The following PRR16 variants were observed in gnomAD, a reference collection of about 807,000 sequenced individuals.
PRR16 encodes the protein proline rich 16.
PRR16 carries 6 observed loss-of-function variants against 18.2 expected under a neutral mutation model. The observed-to-expected ratio is 0.33, with a 90% CI of 0.18 to 0.65. The LOEUF is 0.65. Among genes scored for constraint, PRR16 ranks in the 30% least tolerant of loss-of-function variants. The pLI is 0.74. For missense variants in PRR16, 412 were observed against 376.6 expected (o/e 1.09, Z -0.78); for synonymous variants, 151 against 147.8 (o/e 1.02, Z -0.16).
chr5:120,522,156 G>T (rs1344278576), intron 1 of PRR16, among the ~76,000 whole-genome samples: 1 of 152,172 alleles, frequency 6.6e-6, no homozygotes. Flanking sequence ...CTTTATAGCA[G>T]CATGATTTAT....
At chr5:120,667,285 G>A (rs1353458615) in intron 1 of PRR16, among the ~76,000 whole-genome samples, 1 of 151,786 alleles carries the variant, frequency 6.6e-6, no homozygotes, top group Non-Finnish European at 1.5e-5. Context: ...GTATTTCTGT[G>A]GGATCAGTGG....
At chr5:120,669,514 A>C (rs1326705421) in intron 1 of PRR16, among the ~76,000 whole-genome samples, 1 of 152,088 alleles carries the variant, frequency 6.6e-6, no homozygotes, top group East Asian at 1.9e-4. Context: ...ATTACTCAGA[A>C]TATTTAGATA....
chr5:120,577,827 GGATGGA>G (rs1186428633), intron 1 of PRR16, among the ~76,000 whole-genome samples: 2 of 152,086 alleles, frequency 1.3e-5, no homozygotes, highest in Non-Finnish European at 2.9e-5. Flanking sequence ...CAGCAACTGG[GGATGGA>G]GATGCTACTA....
At chr5:120,566,499 C>T (rs1405102309) in intron 1 of PRR16, among the ~76,000 whole-genome samples, 2 of 151,958 alleles carry the variant, frequency 1.3e-5, no homozygotes, top group East Asian at 1.9e-4. Flanking sequence ...TTGTGTTTAC[C>T]AAAAGTCTAG....
At chr5:120,493,332 T>G (rs1017110957) in intron 1 of PRR16, among the ~76,000 whole-genome samples, 3 of 152,238 alleles carry the variant, frequency 2.0e-5, no homozygotes, top group Non-Finnish European at 2.9e-5. Context: ...TTTTTTCATA[T>G]GGTTGTTGGC....
At chr5:120,584,774 A>C (rs973558469) in intron 1 of PRR16, among the ~76,000 whole-genome samples, 4 of 152,170 alleles carry the variant, frequency 2.6e-5, no homozygotes, top group Non-Finnish European at 4.4e-5. Context: ...ATACTTATAA[A>C]ATAGTAGTCG....
chr5:120,768,177 T>G, the PRR16 span, among the ~76,000 whole-genome samples: 1 of 151,846 alleles, frequency 6.6e-6, no homozygotes, highest in Non-Finnish European at 1.5e-5. Flanking sequence ...CCACTCAACC[T>G]TAATACATAT....
At chr5:120,655,123 G>A (rs996251138) in intron 1 of PRR16, among the ~76,000 whole-genome samples, 1 of 151,646 alleles carries the variant, frequency 6.6e-6, no homozygotes, top group Non-Finnish European at 1.5e-5. Context: ...GAAATAAAAT[G>A]ATATTTCTGA....
intron 1 of PRR16, 65 bp downstream of exon 1, chr5:120,464,710 AT>A (rs1749019291): frequency 1.4e-6 from 2 of 1,426,998 alleles, no homozygotes; most frequent in Admixed American, 4.9e-5. Flanking sequence ...CCCCTTTCCG[AT>A]TTTCAGCAGG....
chr5:120,721,249 T>G, the PRR16 span, among the ~76,000 whole-genome samples: 1 of 152,072 alleles, frequency 6.6e-6, no homozygotes, highest in African/African-American at 2.4e-5. Context: ...CCTGCTCTTG[T>G]TGAAGCTCAT....
the PRR16 span, among the ~76,000 whole-genome samples, chr5:120,755,704 T>G: frequency 6.6e-6 from 1 of 152,148 alleles, no homozygotes; most frequent in Admixed American, 6.6e-5. Context: ...TGAGTACACA[T>G]GCCTTTCTGG....
intron 1 of PRR16, among the ~76,000 whole-genome samples, chr5:120,669,977 T>A (rs906919072): frequency 9.9e-5 from 15 of 152,118 alleles, no homozygotes; most frequent in African/African-American, 3.6e-4. Flanking sequence ...ATTACAATGT[T>A]TTAAATGTTA....
chr5:120,703,314 A>C, the PRR16 span, among the ~76,000 whole-genome samples: 1 of 152,102 alleles, frequency 6.6e-6, no homozygotes, highest in East Asian at 1.9e-4. Flanking sequence ...AAGTGTATTC[A>C]CTTCTTTTGT....
the PRR16 span, among the ~76,000 whole-genome samples, chr5:120,711,405 G>A: frequency 2.0e-5 from 3 of 152,062 alleles, no homozygotes; most frequent in Non-Finnish European, 2.9e-5. Context: ...ACTATTGGTT[G>A]GATGAAGACT....
At chr5:120,780,907 G>A in the PRR16 span, among the ~76,000 whole-genome samples, 1,218 of 152,134 alleles carry the variant, frequency 8.0e-3, 7 homozygotes, top group Middle Eastern at 0.027. Context: ...AAAATTAGTT[G>A]GGCGTGGTGG....
chr5:120,756,096 G>A, the PRR16 span, among the ~76,000 whole-genome samples: 1 of 152,122 alleles, frequency 6.6e-6, no homozygotes, highest in South Asian at 2.1e-4. Flanking sequence ...TTATGTAAAT[G>A]TCTGATTGGT....
chr5:120,769,265 T>G, the PRR16 span, among the ~76,000 whole-genome samples: 1 of 151,826 alleles, frequency 6.6e-6, no homozygotes, highest in African/African-American at 2.4e-5. Context: ...TGTGGACATA[T>G]GCAAACACTA....
At chr5:120,631,890 C>T (rs559438515) in intron 1 of PRR16, among the ~76,000 whole-genome samples, 1 of 152,306 alleles carries the variant, frequency 6.6e-6, no homozygotes, top group East Asian at 1.9e-4. Context: ...AGCTGATGCA[C>T]TCTTGAAAGC....
chr5:120,520,869 A>G (rs1751151512), intron 1 of PRR16, among the ~76,000 whole-genome samples: 1 of 151,736 alleles, frequency 6.6e-6, no homozygotes, highest in African/African-American at 2.4e-5. Context: ...ATTTTCTTTT[A>G]ATTTATTTTA....
Sources: gnomAD v4.1 joint callset for allele counts (sites outside exome capture counted in the v4.1 genomes callset) on GRCh38, gnomAD v4.1.1 for gene constraint, MANE v1.5 for transcripts, NCBI Gene and HGNC (gene_info 2026-07-23, HGNC 2026-07-21) for gene names.